TAS2R10: variants seen among roughly 807,000 people sequenced by gnomAD.
TAS2R10 encodes the protein taste receptor type 2 member 10.
For missense variants in TAS2R10, 385 were observed against 362.0 expected (o/e 1.06, Z -0.52); for synonymous variants, 144 against 126.6 (o/e 1.14, Z -0.92).
chr12:10,825,375 C>A, the TAS2R10 span: 1 of 1,610,274 alleles, frequency 6.2e-7, no homozygotes. Flanking sequence ...TTCCTTTTCT[C>A]ACAGCACTTC....
chr12:10,826,029 T>A (rs1371421925), exon 1 of TAS2R10: 1 of 1,613,402 alleles, frequency 6.2e-7, no homozygotes, highest in Non-Finnish European at 8.5e-7. Flanking sequence ...ATATATTCAA[T>A]TAGGTTACCG....
chr12:10,825,464 T>C lies in TAS2R10; in HGVS notation c.806A>G (p.Tyr269Cys), dbSNP rs370794829. The change falls in exon 1 of 1, where the codon TAT becomes TGT. Residue 269 changes from tyrosine to cysteine, a missense_variant. By Grantham distance (194) the Tyr-to-Cys change is radical. Coordinates refer to ENST00000240619, the Ensembl canonical transcript of TAS2R10. ...TAAGATAAATGAGTGACCCCAGGGA[T>C]AGATGGCTGTGGTTGTCATTCCAAA... 8.7e-6 allele frequency: 14 copies of C among 1,613,752 alleles called. No homozygotes were observed. The African/African-American group carries it at 1.5e-4, about 17-fold the overall frequency.
At chr12:10,826,254 C>G in exon 1 of TAS2R10, 1 of 1,608,230 alleles carries the variant, frequency 6.2e-7, no homozygotes, top group Non-Finnish European at 8.5e-7. Flanking sequence ...AAGATGCCTT[C>G]CACTACACGT....
Position 10,826,115 on chromosome 12 carries a change from A to T in TAS2R10, c.155T>A (p.Ile52Asn), listed in dbSNP as rs746416982. The T allele has an allele frequency of 1.5e-5, 24 of 1,613,376 alleles. No homozygotes were observed. The highest frequency in any genetic ancestry group is 1.9e-5 in the Non-Finnish European group (23 of 1,179,774). Reference sequence around the variant, plus strand: ...TATCCATATCAGAAAAATTCTTGAAATAGCTAAGCCGGTGAGAATAAAGCC... The same window carrying T: ...TATCCATATCAGAAAAATTCTTGAATTAGCTAAGCCGGTGAGAATAAAGCC... Residue 52 changes from isoleucine (I) to asparagine (N), a missense_variant, in exon 1 of 1, where the codon ATT (isoleucine) becomes AAT (asparagine). Transcript: ENST00000240619.
Position 10,826,185 on chromosome 12 carries a change from G to C in TAS2R10, c.85C>G (p.Leu29Val), listed in dbSNP as rs866319939. The C allele has an allele frequency of 5.6e-6, 9 of 1,613,266 alleles. No homozygotes were observed. The African/African-American group carries it at 8.0e-5, about 14-fold the overall frequency. ...TTGGCACAGTCAATGCAGTTTACAA[G>C]TCCAATAAATCCATTCCCCAAAACC... The change falls in exon 1 of 1, where the codon CTT (leucine) becomes GTT (valine). Residue 29 changes from leucine (L) to valine (V), a missense_variant. Physicochemically the swap from Leu to Val is conservative, Grantham distance 32. Coordinates refer to ENST00000240619, the Ensembl canonical transcript of TAS2R10.
At chr12:10,826,222 CT>C in the TAS2R10 span, 16 of 1,612,402 alleles carry the variant, frequency 9.9e-6, no homozygotes, top group Admixed American at 2.7e-4. Flanking sequence ...CAAACACTGA[CT>C]CACTAACTAC....
In TAS2R10 at chr12:10,825,661, G is replaced by T. The variant is rs192992617; in HGVS notation, c.609C>A (p.His203Gln). Residue 203 changes from histidine (H) to glutamine (Q), a missense_variant, in exon 1 of 1, where the codon CAC becomes CAA. By Grantham distance (24) the His-to-Gln change is conservative. Transcript: ENST00000240619. ...TCACATTCGATTGCATCTGCCTGTTGTGTCTCCAAAGGGAAATGATTAAAA... is the reference window on the plus strand; with the variant it reads ...TCACATTCGATTGCATCTGCCTGTTTTGTCTCCAAAGGGAAATGATTAAAA... The T allele has an allele frequency of 1.3e-4, 204 of 1,613,644 alleles. No individual in the cohort carries two copies. The East Asian group carries it at 4.2e-3, about 33-fold the overall frequency.
At chr12:10,825,871 T>G (rs1948862240) in exon 1 of TAS2R10, 1 of 1,612,896 alleles carries the variant, frequency 6.2e-7, no homozygotes, top group African/African-American at 1.3e-5. Flanking sequence ...GTAAGAATAC[T>G]ATCATGAAGG....
chr12:10,826,202 CCCAAAACCCCAAA>C, the TAS2R10 span: 1 of 1,613,246 alleles, frequency 6.2e-7, no homozygotes, highest in Non-Finnish European at 8.5e-7. Context: ...AAATCCATTC[CCCAAAACCCCAAA>C]CACTGACTCA....
chr12:10,825,669 A>G, exon 1 of TAS2R10: 1 of 1,613,670 alleles, frequency 6.2e-7, no homozygotes, highest in Non-Finnish European at 8.5e-7. Flanking sequence ...TTGTGTCTCC[A>G]AAGGGAAATG....
exon 1 of TAS2R10, chr12:10,825,358 G>C: frequency 1.2e-6 from 2 of 1,604,452 alleles, no homozygotes; most frequent in Non-Finnish European, 1.7e-6. Context: ...ATGTGACTCT[G>C]AGATTTTTCC....
chr12:10,826,266 G>A (rs1199316789), exon 1 of TAS2R10: 12 of 1,596,440 alleles, frequency 7.5e-6, no homozygotes, highest in Non-Finnish European at 9.4e-6. Context: ...ACTACACGTA[G>A]CATATCTGCT....
chr12:10,825,764 C>T (rs764876875), exon 1 of TAS2R10: 1 of 1,613,196 alleles, frequency 6.2e-7, no homozygotes, highest in Non-Finnish European at 8.5e-7. Flanking sequence ...AAAGTATTCA[C>T]TTTTATACAT....
At position 10,825,879 on chromosome 12, in the gene TAS2R10, A is replaced by G. The variant is rs772492613; in HGVS notation, c.391T>C (p.Phe131Leu). The G allele has an allele frequency of 3.7e-6, 6 of 1,613,182 alleles. No homozygotes were observed. Among genetic ancestry groups the G allele is most frequent in the Admixed American group, 3.3e-5 (2 of 59,800 alleles). ...GAAATAAGTAAGAATACTATCATGA[A>G]GGGAAGAACCATATTTGTTCTGCTC... is the stretch of plus-strand genomic sequence containing the variant. The change falls in exon 1 of 1, where the codon TTC becomes CTC. Residue 131 changes from phenylalanine (F) to leucine (L), a missense_variant. Phe to Leu is a conservative substitution (Grantham distance 22, BLOSUM62 0). Transcript: ENST00000240619.
exon 1 of TAS2R10, chr12:10,825,854 G>A: frequency 1.2e-6 from 2 of 1,612,690 alleles, no homozygotes; most frequent in Non-Finnish European, 1.7e-6. Flanking sequence ...AAGTAACGAT[G>A]AAATAAGTAA....
At position 10,825,953 on chromosome 12, in the gene TAS2R10, T is replaced by C. The variant is rs1183769037; in HGVS notation, c.317A>G (p.Tyr106Cys). 6.2e-6 allele frequency: 10 copies of C among 1,613,670 alleles called. No individual in the cohort carries two copies. Among genetic ancestry groups the C allele is most frequent in the Middle Eastern group, 1.7e-4 (1 of 6,056 alleles). Residue 106 changes from tyrosine (Y) to cysteine (C), a missense_variant, in exon 1 of 1, where the codon TAT (tyrosine) becomes TGT (cysteine). Tyr to Cys is a radical substitution (Grantham distance 194). Transcript: ENST00000240619. ...GGAAAAATTTGCTATCTTCAGGAAA[T>C]AGAAGATGCTGAGGCTGGTGGCAAA...
rs150910995 is a variant in TAS2R10, at chr12:10,825,935, T to G, written c.335A>C (p.Asn112Thr). 126 of 1,613,594 alleles carry G rather than the reference T, an allele frequency of 7.8e-5. No homozygotes were observed. In the African/African-American group the frequency reaches 1.5e-3, roughly 19 times the overall value. The stretch of plus-strand genomic sequence containing the variant: ...CCAGAGAAATATGTAGTTGGAAAAA[T>G]TTGCTATCTTCAGGAAATAGAAGAT... Residue 112 changes from asparagine (N) to threonine (T), a missense_variant, in exon 1 of 1, where the codon AAT (asparagine) becomes ACT (threonine). Coordinates refer to ENST00000240619, the Ensembl canonical transcript of TAS2R10.
At chr12:10,825,405 A>G (rs756354960) in exon 1 of TAS2R10, 21 of 1,613,300 alleles carry the variant, frequency 1.3e-5, no homozygotes, top group South Asian at 2.2e-5. Flanking sequence ...AGTACCCTCA[A>G]AGAGGCTTGC....
At chr12:10,825,425 C>G in exon 1 of TAS2R10, 1 of 1,613,606 alleles carries the variant, frequency 6.2e-7, no homozygotes, top group Middle Eastern at 1.7e-4. Flanking sequence ...CTTTAGCTTG[C>G]TGTTTCCTAG....
Sources: gnomAD v4.1 joint callset for allele counts on GRCh38, gnomAD v4.1.1 for gene constraint, MANE v1.5 for transcripts, NCBI Gene and HGNC (gene_info 2026-07-23, HGNC 2026-07-21) for gene names.